LHFPL5: variants seen among roughly 807,000 people sequenced by gnomAD.
LHFPL5 encodes the protein LHFPL tetraspan subfamily member 5.
In LHFPL5, 12 loss-of-function variants were observed where a neutral mutation model predicts 18.7. That is an observed-to-expected ratio of 0.64 (90% CI 0.41 to 1.04). LHFPL5 has a LOEUF of 1.04. LHFPL5 is among the 50% of genes least tolerant of loss of function. The pLI, the probability that LHFPL5 is intolerant of heterozygous loss-of-function variation, is 0.00. For synonymous variants in LHFPL5, 111 were observed against 120.2 expected (o/e 0.92, Z 0.50); for missense variants, 259 against 292.1 (o/e 0.89, Z 0.83).
intron 1 of LHFPL5, among the ~76,000 whole-genome samples, chr6:35,813,146 AGT>A (rs1454572750): frequency 6.6e-6 from 1 of 151,744 alleles, no homozygotes. Flanking sequence ...AGCCTAGTCT[AGT>A]GTTTCCCAGC....
At chr6:35,822,949 A>ATCTTTTGT (rs1432749151) in intron 3 of LHFPL5, 33 bp from the exon 4 acceptor site, 1 of 152,120 alleles carries the variant, frequency 6.6e-6, no homozygotes, top group East Asian at 1.9e-4. Context: ...AACTCTTGGA[A>ATCTTTTGT]TCTTTTGTTC....
intron 3 of LHFPL5, among the ~76,000 whole-genome samples, chr6:35,820,308 G>A (rs751611264): frequency 6.6e-6 from 1 of 152,148 alleles, no homozygotes; most frequent in Non-Finnish European, 1.5e-5. Context: ...CAGTTTTAAT[G>A]TCTGGTTTAA....
intron 1 of LHFPL5, among the ~76,000 whole-genome samples, chr6:35,813,205 GATT>G (rs1768697405): frequency 6.6e-6 from 1 of 150,652 alleles, no homozygotes. Context: ...TGAAAACAGG[GATT>G]ATTGAACCCA....
intron 1 of LHFPL5, among the ~76,000 whole-genome samples, chr6:35,812,954 GT>G (rs1768691685): frequency 6.6e-6 from 1 of 151,994 alleles, no homozygotes; most frequent in African/African-American, 2.4e-5. Context: ...ACTCAGGAGG[GT>G]GAGGCAGGAG....
chr6:35,812,861 C>G (rs1403671088), intron 1 of LHFPL5, among the ~76,000 whole-genome samples: 1 of 152,154 alleles, frequency 6.6e-6, no homozygotes, highest in African/African-American at 2.4e-5. Context: ...TCAAGACCAA[C>G]CTGGCCAACG....
chr6:35,818,335 ATATATATATATATGTATTT>A (rs1768799032), intron 2 of LHFPL5, among the ~76,000 whole-genome samples: 2 of 7,650 alleles, frequency 2.6e-4, no homozygotes, highest in Admixed American at 2.1e-3. Context: ...ATATATATAT[ATATATATATATATGTATTT>A]TTTTTTTTTT....
chr6:35,810,802 G>C (rs1267515336), intron 1 of LHFPL5, among the ~76,000 whole-genome samples: 2 of 147,854 alleles, frequency 1.4e-5, no homozygotes, highest in African/African-American at 5.1e-5. Flanking sequence ...ACTCCAGCCT[G>C]GGCGACAGAG....
chr6:35,818,893 G>T (rs567973682), intron 2 of LHFPL5, among the ~76,000 whole-genome samples: 1 of 151,794 alleles, frequency 6.6e-6, no homozygotes, highest in Non-Finnish European at 1.5e-5. Flanking sequence ...GTGCAGTGGC[G>T]TGATCTGGGG....
At chr6:35,816,306 A>G (rs1768758624) in intron 2 of LHFPL5, among the ~76,000 whole-genome samples, 1 of 147,004 alleles carries the variant, frequency 6.8e-6, no homozygotes, top group Non-Finnish European at 1.5e-5. Context: ...AGATCGCGCC[A>G]CTGCACTCCA....
chr6:35,816,959 A>G (rs949387802), intron 2 of LHFPL5, among the ~76,000 whole-genome samples: 2 of 152,184 alleles, frequency 1.3e-5, no homozygotes, highest in Non-Finnish European at 2.9e-5. Flanking sequence ...TGAAAGAATG[A>G]AATTGAACCC....
rs774822686 is a variant in LHFPL5, at chr6:35,805,728, C to T, written c.58C>T (p.Arg20Trp). Residue 20 changes from arginine to tryptophan, a missense_variant, in exon 1 of 4, where the codon CGG becomes TGG. Arg to Trp is a moderately radical substitution (Grantham distance 101). Coordinates refer to ENST00000360215, the MANE Select transcript of LHFPL5 (RefSeq NM_182548.4). This position sits in a 1 kb window ranked among gnomAD's most constrained non-coding sequence, Gnocchi z 4.3. ...CAAGATCTACCATACCAACTATGTG[C>T]GGAACTCGCGAGCCGTGGGCGTGAT... ...AAKIYHTNYV[R>W]NSRAVGVMWG... The T allele has an allele frequency of 5.0e-6, 8 of 1,614,072 alleles. No individual in the cohort carries two copies. The African/African-American group carries it at 5.3e-5, about 11-fold the overall frequency.
rs372084864 is a variant in LHFPL5, at chr6:35,814,639, C to T, written c.506C>T (p.Thr169Met). 2.1e-5 allele frequency: 34 copies of T among 1,614,052 alleles called. No homozygotes were observed. Among genetic ancestry groups the T allele is most frequent in the Admixed American group, 1.0e-4 (6 of 59,998 alleles). Reference sequence around the variant, plus strand: ...TGTGGGGAGCAGACGGGCAAGTACACGCTGGGCCACTGCACCATCCGCTGG... The same window carrying T: ...TGTGGGGAGCAGACGGGCAAGTACATGCTGGGCCACTGCACCATCCGCTGG... ...RMCGEQTGKY[T>M]LGHCTIRWAF... Residue 169 changes from threonine to methionine, a missense_variant, in exon 2 of 4, where the codon ACG (threonine) becomes ATG (methionine). Thr to Met is a moderately conservative substitution (Grantham distance 81, BLOSUM62 -1). Coordinates refer to ENST00000360215, the MANE Select transcript of LHFPL5 (RefSeq NM_182548.4). The surrounding 1 kb of genome is among the most constrained non-coding windows in gnomAD (Gnocchi z 4.2).
Position 35,809,000 on chromosome 6 carries a change from G to C in LHFPL5, c.412+2918G>C, listed in dbSNP as rs535981896. Among the ~76,000 whole-genome samples, 4 of 152,262 alleles carry C rather than the reference G, an allele frequency of 2.6e-5. No individual in the cohort carries two copies. In the South Asian group the frequency reaches 8.3e-4, roughly 32 times the overall value. ...CCGAAGGGAGAGATGCAGAGTGGGC[G>C]GGTCCCATATCCAGCAGCTGGGAGA... is the stretch of plus-strand genomic sequence containing the variant. On this transcript the variant is annotated intron_variant, in intron 1 of 3. Transcript: ENST00000360215.
In LHFPL5 at chr6:35,814,915, C is replaced by T. The variant is rs1768733255; in HGVS notation, c.649+133C>T. The T allele has an allele frequency of 1.3e-6, 1 of 798,634 alleles. No homozygotes were observed. Among genetic ancestry groups the T allele is most frequent in the Non-Finnish European group, 2.2e-6 (1 of 463,308 alleles). The allele number at this position is 798,634 out of a possible 1,614,324, so 49.5% of individuals were successfully genotyped here. A position where few individuals can be genotyped will look rare whatever the true frequency, so the allele number is the denominator to read the frequency against. ...GGACACCAAGACTAATCAGACACAC[C>T]CCTTGTCCTCCCTGAAATCAAAGGC... On this transcript the variant is annotated intron_variant, in intron 2 of 3. Coordinates refer to ENST00000360215, the MANE Select transcript of LHFPL5 (RefSeq NM_182548.4). The surrounding 1 kb of genome is among the most constrained non-coding windows in gnomAD (Gnocchi z 4.2).
chr6:35,812,297 T>C (rs1486057124), intron 1 of LHFPL5, among the ~76,000 whole-genome samples: 1 of 152,204 alleles, frequency 6.6e-6, no homozygotes, highest in African/African-American at 2.4e-5. Context: ...AAGGTAACTT[T>C]AGGCCTGAAG....
chr6:35,820,748 AT>A (rs1276425048), intron 3 of LHFPL5, among the ~76,000 whole-genome samples: 7 of 151,820 alleles, frequency 4.6e-5, no homozygotes, highest in African/African-American at 1.7e-4. Context: ...AATTAAAAAA[AT>A]AAAAAAGAAA....
chr6:35,805,782 G>T lies in LHFPL5; in HGVS notation c.112G>T (p.Val38Leu). ...MWGTLTICFSVLVMALFIQPY... is the reference protein window; with the variant it reads ...MWGTLTICFSLLVMALFIQPY... ...GGGTACCCTCACCATCTGCTTCTCC[G>T]TACTGGTCATGGCCCTCTTCATCCA... is the stretch of plus-strand genomic sequence containing the variant. The change falls in exon 1 of 4, where the codon GTA (valine) becomes TTA (leucine). Residue 38 changes from valine (V) to leucine (L), a missense_variant. Physicochemically the swap from Val to Leu is conservative, Grantham distance 32 (BLOSUM62 1). Coordinates refer to ENST00000360215, the MANE Select transcript of LHFPL5 (RefSeq NM_182548.4). This position sits in a 1 kb window ranked among gnomAD's most constrained non-coding sequence, Gnocchi z 4.3. 6.2e-7 allele frequency: 1 copy of T among 1,614,202 alleles called. No individual in the cohort carries two copies.
chr6:35,815,300 C>T (rs772164752), intron 2 of LHFPL5, among the ~76,000 whole-genome samples: 1 of 152,130 alleles, frequency 6.6e-6, no homozygotes, highest in South Asian at 2.1e-4. Flanking sequence ...TTTCAATTCC[C>T]TCCCATCCAA....
At chr6:35,822,632 C>G (rs1442943022) in intron 3 of LHFPL5, among the ~76,000 whole-genome samples, 2 of 152,136 alleles carry the variant, frequency 1.3e-5, no homozygotes, top group Non-Finnish European at 2.9e-5. Context: ...CTCAGCCTCC[C>G]AAGTAGCTAG....
Sources: gnomAD v4.1 joint callset for allele counts (sites outside exome capture counted in the v4.1 genomes callset) on GRCh38, gnomAD v4.1.1 for gene constraint, Gnocchi (gnomAD v3.1) non-coding constraint, MANE v1.5 for transcripts, NCBI Gene and HGNC (gene_info 2026-07-23, HGNC 2026-07-21) for gene names.